Variants in CLIC4 observed in about 807,000 individuals in gnomAD.
CLIC4 encodes chloride intracellular channel protein 4.
In CLIC4, 13 loss-of-function variants were observed where a neutral mutation model predicts 24.6. The ratio of observed to expected loss-of-function variants is 0.53; its 90% CI spans 0.34 to 0.84. The LOEUF (loss-of-function observed/expected upper bound fraction) is 0.84. CLIC4 is among the 40% of genes least tolerant of loss of function. CLIC4 has a pLI of 0.01. For synonymous variants in CLIC4, 104 were observed against 111.3 expected (o/e 0.93, Z 0.41); for missense variants, 227 against 301.7 (o/e 0.75, Z 1.83).
chr1:24,808,980 T>C (rs1348809065), intron 2 of CLIC4, among the ~76,000 whole-genome samples: 3 of 152,098 alleles, frequency 2.0e-5, no homozygotes, highest in Non-Finnish European at 4.4e-5. Context: ...ACATGGCCTT[T>C]TAAAAAATAT....
intron 3 of CLIC4, 51 bp from the exon 4 acceptor site, chr1:24,826,959 T>G (rs373018745): frequency 1.5e-6 from 2 of 1,294,620 alleles, no homozygotes; most frequent in East Asian, 2.3e-5. Flanking sequence ...AGAGAACTTA[T>G]GCTAATTCAT....
intron 1 of CLIC4, among the ~76,000 whole-genome samples, chr1:24,761,597 T>G (rs894630728): frequency 3.3e-5 from 5 of 152,172 alleles, no homozygotes; most frequent in Non-Finnish European, 5.9e-5. Flanking sequence ...AATTTTGTCC[T>G]TAGTAGAAAT....
intron 1 of CLIC4, among the ~76,000 whole-genome samples, chr1:24,794,340 T>C (rs1297632711): frequency 6.9e-6 from 1 of 144,196 alleles, no homozygotes; most frequent in Non-Finnish European, 1.5e-5. Context: ...TCTACAACTT[T>C]GCCAGCATCT....
At chr1:24,819,931 C>T (rs1306392781) in intron 3 of CLIC4, among the ~76,000 whole-genome samples, 3 of 145,266 alleles carry the variant, frequency 2.1e-5, no homozygotes, top group Non-Finnish European at 4.5e-5. Flanking sequence ...TTAGTAGAGA[C>T]AGGGTTTTAC....
chr1:24,778,131 A>G (rs982028812), intron 1 of CLIC4, among the ~76,000 whole-genome samples: 14 of 152,194 alleles, frequency 9.2e-5, no homozygotes, highest in Non-Finnish European at 1.8e-4. Flanking sequence ...GAGATCAAGC[A>G]GGTGAGATTC....
chr1:24,801,712 A>G (rs756308044), intron 2 of CLIC4, among the ~76,000 whole-genome samples: 9 of 152,174 alleles, frequency 5.9e-5, no homozygotes, highest in Non-Finnish European at 7.4e-5. Context: ...AGGTTAGTGT[A>G]CTCAGATTTC....
At chr1:24,790,097 C>T (rs781721485) in intron 1 of CLIC4, among the ~76,000 whole-genome samples, 1 of 152,102 alleles carries the variant, frequency 6.6e-6, no homozygotes, top group Non-Finnish European at 1.5e-5. Context: ...TGTTTTGAGA[C>T]AGTCTGCTCT....
At chr1:24,788,456 C>T (rs1044499765) in intron 1 of CLIC4, among the ~76,000 whole-genome samples, 3 of 152,150 alleles carry the variant, frequency 2.0e-5, no homozygotes, top group Admixed American at 2.0e-4. Flanking sequence ...ATTCAGTTGT[C>T]CCCTGGAATC....
chr1:24,807,637 G>A (rs1204592652), intron 2 of CLIC4, among the ~76,000 whole-genome samples: 1 of 152,150 alleles, frequency 6.6e-6, no homozygotes, highest in East Asian at 1.9e-4. Context: ...GGTGGAGCAG[G>A]TAATCGAAAA....
intron 3 of CLIC4, among the ~76,000 whole-genome samples, chr1:24,825,362 G>A (rs1317998267): frequency 6.6e-6 from 1 of 152,098 alleles, no homozygotes; most frequent in Non-Finnish European, 1.5e-5. Context: ...TTAAACTGGA[G>A]GCTTGTTTGT....
chr1:24,762,096 TAC>T (rs989521938), intron 1 of CLIC4, among the ~76,000 whole-genome samples: 3 of 152,012 alleles, frequency 2.0e-5, no homozygotes, highest in Non-Finnish European at 2.9e-5. Context: ...ATATATGACA[TAC>T]ACACACACAT....
intron 1 of CLIC4, chr1:24,778,087 A>G (rs547614345): frequency 4.6e-5 from 7 of 152,330 alleles, no homozygotes; most frequent in Admixed American, 2.6e-4. Context: ...AGTAGTGTCT[A>G]TGAGTGAGAT....
chr1:24,818,167 G>T (rs1330989419), intron 3 of CLIC4, among the ~76,000 whole-genome samples: 4 of 152,158 alleles, frequency 2.6e-5, no homozygotes, highest in African/African-American at 9.7e-5. Flanking sequence ...GACTCAGGGT[G>T]CCATAAACCT....
At chr1:24,831,866 T>C (rs966556047) in intron 4 of CLIC4, among the ~76,000 whole-genome samples, 6 of 152,252 alleles carry the variant, frequency 3.9e-5, no homozygotes, top group Admixed American at 3.9e-4. Flanking sequence ...CTTGAACTGC[T>C]GACCTCAGGT....
rs927033885 is a variant in CLIC4 at position 24,812,264 on chromosome 1, C to A, written c.183-1830C>A. ...TTGTTGCTTTTTACCCTTCATTATGCCATCTTTTATGTATTGAAGTAATTT... is the reference window on the plus strand; with the variant it reads ...TTGTTGCTTTTTACCCTTCATTATGACATCTTTTATGTATTGAAGTAATTT... On this transcript the variant is annotated intron_variant, in intron 2 of 5. Coordinates refer to ENST00000374379, the MANE Select transcript of CLIC4 (RefSeq NM_013943.3). 6.0e-4 allele frequency among the ~76,000 whole-genome samples: 91 copies of A among 152,016 alleles called. 1 individual carries two copies. Among genetic ancestry groups the A allele is most frequent in the African/African-American group, 2.1e-3 (88 of 41,368 alleles).
chr1:24,758,757 C>G (rs897884540), intron 1 of CLIC4, among the ~76,000 whole-genome samples: 1 of 151,892 alleles, frequency 6.6e-6, no homozygotes, highest in Non-Finnish European at 1.5e-5. Context: ...TCATGCCCGG[C>G]CCTTAGTCTT....
chr1:24,795,802 T>A (rs938929068), intron 1 of CLIC4, among the ~76,000 whole-genome samples: 1 of 152,182 alleles, frequency 6.6e-6, no homozygotes, highest in Non-Finnish European at 1.5e-5. Context: ...ACTCCCGACC[T>A]TGTGATCTGC....
At chr1:24,790,769 T>C (rs1639325140) in intron 1 of CLIC4, among the ~76,000 whole-genome samples, 1 of 152,236 alleles carries the variant, frequency 6.6e-6, no homozygotes, top group Admixed American at 6.5e-5. Context: ...CTGACAGTAT[T>C]CTGGCAGAGA....
At position 24,788,470 on chromosome 1, in the gene CLIC4, G is replaced by A. The variant is rs115159215; in HGVS notation, c.73-9272G>A. Among the ~76,000 whole-genome samples, 1,279 of 152,232 alleles carry A rather than the reference G, an allele frequency of 8.4e-3. 8 individuals carry two copies. The highest frequency in any genetic ancestry group is 0.014 in the Middle Eastern group (4 of 294). On this transcript the variant is annotated intron_variant, in intron 1 of 5. Coordinates refer to ENST00000374379, the MANE Select transcript of CLIC4 (RefSeq NM_013943.3). ...TATTCAGTTGTCCCCTGGAATCCAC[G>A]GGGGATTGGTTCCAGGACTCCTCTG...
Sources: allele counts gnomAD v4.1 joint callset (sites outside exome capture counted in the v4.1 genomes callset), GRCh38; gene constraint gnomAD v4.1.1; transcripts MANE v1.5; gene names NCBI Gene and HGNC (gene_info 2026-07-23, HGNC 2026-07-21).